SLC22A31: variants seen among roughly 807,000 people sequenced by gnomAD.
SLC22A31 encodes solute carrier family 22 member 31.
A neutral mutation model predicts 27.4 loss-of-function variants in SLC22A31; 42 were observed. The observed-to-expected ratio is 1.53, with a 90% CI of 1.20 to 1.98. The LOEUF is 1.98. SLC22A31 is among the 30% of genes most tolerant of loss of function. SLC22A31 has a pLI of 0.00. For synonymous variants in SLC22A31, 290 were observed against 230.8 expected, an observed-to-expected ratio of 1.26 and a Z score of -2.33; for missense variants, 593 against 479.9, an observed-to-expected ratio of 1.24 and a Z score of -2.20.
intron 4 of SLC22A31, 22 bp from the exon 5 acceptor site, chr16:89,198,819 CCA>C: frequency 6.6e-7 from 1 of 1,519,528 alleles, no homozygotes; most frequent in Non-Finnish European, 8.8e-7. Flanking sequence ...GTGAGGATGC[CCA>C]CGGCTCCCTC....
chr16:89,201,661 C>G, upstream of SLC22A31: 1 of 396,796 alleles, frequency 2.5e-6, no homozygotes, highest in Non-Finnish European at 4.5e-6. Flanking sequence ...GCCTCCTGCT[C>G]CATCGGTCGC....
At chr16:89,200,585 G>C (rs1224719982), upstream of SLC22A31, among the ~76,000 whole-genome samples, 1 of 152,196 alleles carries the variant, frequency 6.6e-6, no homozygotes, top group Non-Finnish European at 1.5e-5. Flanking sequence ...GCGGGTTCCA[G>C]GGCCCCAGGC....
chr16:89,201,164 C>G, upstream of SLC22A31: 1 of 378,334 alleles, frequency 2.6e-6, no homozygotes, highest in Non-Finnish European at 4.7e-6. Flanking sequence ...GCCGGGGGGC[C>G]CGGGTCAGAG....
chr16:89,197,328 A>T lies in SLC22A31; in HGVS notation c.1004T>A (p.Phe335Tyr), dbSNP rs1916045383. ...SRAVSALSSL[F>Y]AAEVFPTVIR... ...CACCGTGGGGAAGACCTCGGCCGCGAAGAGGCTGCTGAGTGCGGACACAGC... is the reference window on the plus strand; with the variant it reads ...CACCGTGGGGAAGACCTCGGCCGCGTAGAGGCTGCTGAGTGCGGACACAGC... The change falls in exon 8 of 9, where the codon TTC becomes TAC. Residue 335 changes from phenylalanine to tyrosine, a missense_variant. By Grantham distance (22) the Phe-to-Tyr change is conservative (BLOSUM62 3). Transcript: ENST00000682282. 1 of 1,535,702 alleles carries T rather than the reference A, an allele frequency of 6.5e-7. No homozygotes were observed. Among genetic ancestry groups the T allele is most frequent in the Non-Finnish European group, 8.7e-7 (1 of 1,146,812 alleles).
Position 89,198,046 on chromosome 16 carries a change from C to G in SLC22A31, c.922+76G>C, listed in dbSNP as rs534961277. 2.1e-4 allele frequency: 315 copies of G among 1,481,716 alleles called. No individual in the cohort carries two copies. The African/African-American group carries it at 4.2e-3, about 20-fold the overall frequency. The allele number at this position is 1,481,716 out of a possible 1,614,324, so 91.8% of individuals were successfully genotyped here. On this transcript the variant is annotated intron_variant, in intron 7 of 8. Transcript: ENST00000682282. ...ACCCCAGGCTGCTCCCCTGTCGGCA[C>G]TATGGCCCCCTGGTGTGGCAGACCG...
chr16:89,197,256 G>T, intron 8 of SLC22A31, 42 bp downstream of exon 8: 1 of 1,475,088 alleles, frequency 6.8e-7, no homozygotes, highest in Non-Finnish European at 9.1e-7. Flanking sequence ...CCCATGAGAG[G>T]CCCTGGACCC....
In SLC22A31 at chr16:89,199,408, C is replaced by G; in HGVS notation, c.283+5G>C. The G allele has an allele frequency of 1.7e-6, 1 of 577,166 alleles. No homozygotes were observed. The allele number at this position is 577,166 out of a possible 1,614,324, so 35.8% of individuals were successfully genotyped here. ...CCCAGTGACAGCAGCCCCCAGGGTA[C>G]TCACGAGCCAGATACAGGGCGAGGA... On this transcript the variant is annotated splice_donor_5th_base_variant and intron_variant, in intron 3 of 8. Transcript: ENST00000682282.
Position 89,195,850 on chromosome 16 carries a change from C to A in SLC22A31, c.*149G>T, listed in dbSNP as rs1915829792. On this transcript the variant is annotated 3_prime_UTR_variant, in exon 9 of 9. Coordinates refer to ENST00000682282, the MANE Select transcript of SLC22A31 (RefSeq NM_001384763.1). ...AGTGCCTGGGGCCTGGCTGGAGACA[C>A]CTTCACGCTGTCCCCACGGCTCCAC... The A allele has an allele frequency of 1.4e-5, 13 of 923,330 alleles. No individual in the cohort carries two copies. Among genetic ancestry groups the A allele is most frequent in the Non-Finnish European group, 2.0e-5 (13 of 649,944 alleles). The allele number at this position is 923,330 out of a possible 1,614,324, so 57.2% of individuals were successfully genotyped here. A position where few individuals can be genotyped will look rare whatever the true frequency, so the allele number is the denominator to read the frequency against.
At position 89,199,653 on chromosome 16, in the gene SLC22A31, A is replaced by C. The variant is rs1043842927; in HGVS notation, c.128+60T>G. 1.5e-5 allele frequency: 6 copies of C among 405,710 alleles called. 1 individual carries two copies. The highest frequency in any genetic ancestry group is 1.2e-4 in the South Asian group (1 of 8,554). 25.1% of individuals were successfully genotyped at this position (405,710 alleles called of 1,614,324 possible). On this transcript the variant is annotated intron_variant, in intron 2 of 8. Transcript: ENST00000682282. ...TCCTGGCAGCACCAGGTCTAGCTGA[A>C]CCCTGAGAGTGGGCGGAGGGGAGGG...
chr16:89,195,996 G>A lies in SLC22A31; in HGVS notation c.*3C>T, dbSNP rs1245149335. On this transcript the variant is annotated 3_prime_UTR_variant, in exon 9 of 9. Coordinates refer to ENST00000682282, the MANE Select transcript of SLC22A31 (RefSeq NM_001384763.1). ...TCCTGGCTCCCAGGGCCACCAGGCA[G>A]GACTAGTGCTGCTCGGGGGTGTGGC... The A allele has an allele frequency of 6.0e-6, 9 of 1,496,162 alleles. No individual in the cohort carries two copies. The highest frequency in any genetic ancestry group is 4.2e-5 in the African/African-American group (3 of 72,284). 92.7% of individuals were successfully genotyped at this position (1,496,162 alleles called of 1,614,324 possible). A position where few individuals can be genotyped will look rare whatever the true frequency, so the allele number is the denominator to read the frequency against.
rs1291728056 is a variant in SLC22A31 at position 89,199,028 on chromosome 16, A to G, written c.447T>C (p.Phe149=). The change falls in exon 4 of 9, where the codon TTT becomes TTC. Residue 149 remains phenylalanine, a synonymous_variant. Coordinates refer to ENST00000682282, the MANE Select transcript of SLC22A31 (RefSeq NM_001384763.1). The stretch of plus-strand genomic sequence containing the variant: ...CCAGCTCCCACCACACTTACCCCCA[A>G]AAGAGCAGCAAGAGTCCACTCATCA... ...GALMSGLLLL[F]WGFPALFPES... is the part of the protein sequence containing the mutation. 11 of 1,535,036 alleles carry G rather than the reference A, an allele frequency of 7.2e-6. No individual in the cohort carries two copies. The South Asian group carries it at 1.2e-4, about 17-fold the overall frequency.
At chr16:89,197,538 C>T (rs1040696948) in intron 7 of SLC22A31, 129 bp from the exon 8 acceptor site, 1 of 631,974 alleles carries the variant, frequency 1.6e-6, no homozygotes, top group African/African-American at 1.8e-5. Flanking sequence ...TTCCAGCCCC[C>T]CTGAGAAACC....
At chr16:89,200,904 C>T (rs936309020), upstream of SLC22A31, among the ~76,000 whole-genome samples, 1 of 152,226 alleles carries the variant, frequency 6.6e-6, no homozygotes. Flanking sequence ...AGAGACTCTG[C>T]CTTGGAAAGC....
At position 89,199,033 on chromosome 16, in the gene SLC22A31, G is replaced by A. The variant is rs749096932; in HGVS notation, c.442C>T (p.Leu148Phe). 2.5e-5 allele frequency: 38 copies of A among 1,535,388 alleles called. No homozygotes were observed. Among genetic ancestry groups the A allele is most frequent in the Middle Eastern group, 1.7e-4 (1 of 6,006 alleles). ...LGALMSGLLL[L>F]FWGFPALFPE... ...TCCCACCACACTTACCCCCAAAAGA[G>A]CAGCAAGAGTCCACTCATCAGGGCA... The change falls in exon 4 of 9, where the codon CTC becomes TTC. Residue 148 changes from leucine to phenylalanine, a missense_variant. Transcript: ENST00000682282.
In SLC22A31 at chr16:89,196,010, C is replaced by G; in HGVS notation, c.1330G>C (p.Glu444Gln). ...GCCACCAGGCAGGACTAGTGCTGCT[C>G]GGGGGTGTGGCCGGCCCAGTAGGAG... The part of the protein sequence containing the change: ...SNSYWAGHTP[E>Q]QH Residue 444 changes from glutamate (E) to glutamine (Q), a missense_variant, in exon 9 of 9, where the codon GAG becomes CAG. By Grantham distance (29) the Glu-to-Gln change is conservative. Coordinates refer to ENST00000682282, the MANE Select transcript of SLC22A31 (RefSeq NM_001384763.1). 6.6e-7 allele frequency: 1 copy of G among 1,509,680 alleles called. No homozygotes were observed. The highest frequency in any genetic ancestry group is 8.8e-7 in the Non-Finnish European group (1 of 1,133,990). 93.5% of individuals were successfully genotyped at this position (1,509,680 alleles called of 1,614,324 possible). A position where few individuals can be genotyped will look rare whatever the true frequency, so the allele number is the denominator to read the frequency against.
Position 89,195,992 on chromosome 16 carries a change from GGCAGGACTAGT to G in SLC22A31, c.1337_*6del. On this transcript the variant is annotated stop_lost and 3_prime_UTR_variant, in exon 9 of 9. Coordinates refer to ENST00000682282, the MANE Select transcript of SLC22A31 (RefSeq NM_001384763.1). ...CCCATCCTGGCTCCCAGGGCCACCA[GGCAGGACTAGT>G]GCTGCTCGGGGGTGTGGCCGGCCCA... 6.7e-7 allele frequency: 1 copy of G among 1,482,486 alleles called. No individual in the cohort carries two copies. Among genetic ancestry groups the G allele is most frequent in the South Asian group, 1.3e-5 (1 of 76,054 alleles). 91.8% of individuals were successfully genotyped at this position (1,482,486 alleles called of 1,614,324 possible). A position where few individuals can be genotyped will look rare whatever the true frequency, so the allele number is the denominator to read the frequency against.
chr16:89,201,526 C>T (rs1199174001), upstream of SLC22A31: 8 of 397,724 alleles, frequency 2.0e-5, no homozygotes, highest in Admixed American at 4.4e-5. Flanking sequence ...CAGTGGGGCG[C>T]GGGCTGCGCG....
rs1477529437 is a variant in SLC22A31, at chr16:89,196,134, C to T, written c.1206G>A (p.Gly402=). 6.5e-7 allele frequency: 1 copy of T among 1,534,842 alleles called. No homozygotes were observed. The highest frequency in any genetic ancestry group is 1.8e-4 in the Middle Eastern group (1 of 5,560). ...CGGCGTCCTGCAGTGACTGGGGCAG[C>T]CCCCGGCTTCGGCTCTCAGGCAGCA... ...VLLLPESRSR[G]LPQSLQDADR... Residue 402 remains glycine (G), a synonymous_variant, in exon 9 of 9, where the codon GGG becomes GGA. Coordinates refer to ENST00000682282, the MANE Select transcript of SLC22A31 (RefSeq NM_001384763.1).
Position 89,197,307 on chromosome 16 carries a change from G to T in SLC22A31, c.1025C>A (p.Thr342Lys), listed in dbSNP as rs190309297. The change falls in exon 8 of 9, where the codon ACG becomes AAG. Residue 342 changes from threonine (T) to lysine (K), a missense_variant. Transcript: ENST00000682282. ...SSLFAAEVFP[T>K]VIRGAGLGLV... is the part of the protein sequence containing the mutation. The stretch of plus-strand genomic sequence containing the variant: ...CAACCCTGAAGCTCACCTGATCACC[G>T]TGGGGAAGACCTCGGCCGCGAAGAG... 103 of 1,535,584 alleles carry T rather than the reference G, an allele frequency of 6.7e-5. No individual in the cohort carries two copies. In the African/African-American group the frequency reaches 1.2e-3, roughly 19 times the overall value.
Sources: gnomAD v4.1 joint callset for allele counts (sites outside exome capture counted in the v4.1 genomes callset) on GRCh38, gnomAD v4.1.1 for gene constraint, MANE v1.5 for transcripts, NCBI Gene and HGNC (gene_info 2026-07-23, HGNC 2026-07-21) for gene names.